NEDD9: variants seen among roughly 807,000 people sequenced by gnomAD.
NEDD9 encodes the protein enhancer of filamentation 1.
A neutral mutation model predicts 76.6 loss-of-function variants in NEDD9; 26 were observed. That is an observed-to-expected ratio of 0.34 (90% CI 0.25 to 0.47). The LOEUF (loss-of-function observed/expected upper bound fraction) is 0.47, where lower values mean the gene tolerates loss of function less well. Ranked by LOEUF, NEDD9 falls within the 20% of genes least tolerant of loss-of-function variation. The pLI is 1.00. For synonymous variants in NEDD9, 392 were observed against 414.2 expected, an observed-to-expected ratio of 0.95 and a Z score of 0.65; for missense variants, 937 against 1,058.5, an observed-to-expected ratio of 0.89 and a Z score of 1.59.
In NEDD9 at chr6:11,245,178, C is replaced by G. The variant is rs1428787839; in HGVS notation, c.13-31451G>C. On this transcript the variant is annotated intron_variant, in intron 3 of 3. Transcript: ENST00000397378. ...TGTGTGGGAGGAGAGGGAGACATGACCAAAAGGAGCATTTTCTGTGGCTGC... is the reference window on the plus strand; with the variant it reads ...TGTGTGGGAGGAGAGGGAGACATGAGCAAAAGGAGCATTTTCTGTGGCTGC... 2.0e-5 allele frequency among the ~76,000 whole-genome samples: 3 copies of G among 152,052 alleles called. No individual in the cohort carries two copies. The East Asian group carries it at 5.8e-4, about 29-fold the overall frequency.
intron 3 of NEDD9, among the ~76,000 whole-genome samples, chr6:11,263,640 C>T (rs979707328): frequency 6.6e-6 from 1 of 152,140 alleles, no homozygotes. Context: ...ACATTCCTGG[C>T]CTTTGACATC....
chr6:11,186,959 T>C (rs1757996152), intron 6 of NEDD9, among the ~76,000 whole-genome samples: 1 of 152,206 alleles, frequency 6.6e-6, no homozygotes, highest in South Asian at 2.1e-4. Flanking sequence ...TTCTTAGCGA[T>C]TGCTATGGTT....
intron 1 of NEDD9, among the ~76,000 whole-genome samples, chr6:11,218,693 A>T (rs894007494): frequency 2.0e-5 from 3 of 152,200 alleles, no homozygotes; most frequent in Non-Finnish European, 4.4e-5. Context: ...AAATTGTTGT[A>T]CTTAGAGAAT....
intron 5 of NEDD9, 144 bp downstream of exon 5, chr6:11,189,820 A>G (rs1758084017): frequency 1.9e-6 from 2 of 1,057,482 alleles, no homozygotes; most frequent in South Asian, 3.8e-5. Context: ...ACTCTACGAC[A>G]CTCCCTCCAA....
intron 1 of NEDD9, among the ~76,000 whole-genome samples, chr6:11,356,754 G>A (rs1226941844): frequency 2.5e-5 from 3 of 121,316 alleles, no homozygotes; most frequent in Non-Finnish European, 4.9e-5. Context: ...CCCTCCCCCT[G>A]GTATAGCACT....
At chr6:11,339,038 A>G (rs1246419153) in intron 1 of NEDD9, among the ~76,000 whole-genome samples, 1 of 152,046 alleles carries the variant, frequency 6.6e-6, no homozygotes, top group Non-Finnish European at 1.5e-5. Context: ...AAATAAATTC[A>G]AAAGATATAG....
intron 1 of NEDD9, among the ~76,000 whole-genome samples, chr6:11,361,554 C>T (rs529286812): frequency 2.3e-4 from 35 of 152,108 alleles, no homozygotes; most frequent in Admixed American, 3.9e-4. Context: ...ATGAGGGATG[C>T]ACCACCATGA....
At chr6:11,235,717 G>A (rs1320708419), upstream of NEDD9, among the ~76,000 whole-genome samples, 1 of 152,188 alleles carries the variant, frequency 6.6e-6, no homozygotes, top group Non-Finnish European at 1.5e-5. The surrounding 1 kb of genome is among the most constrained non-coding windows in gnomAD (Gnocchi z 4.1). Flanking sequence ...AGATCTAGGG[G>A]ATGAGCATTC....
At chr6:11,363,699 C>A (rs1403591600) in intron 1 of NEDD9, among the ~76,000 whole-genome samples, 1 of 152,168 alleles carries the variant, frequency 6.6e-6, no homozygotes, top group African/African-American at 2.4e-5. Flanking sequence ...AAGGATGCTA[C>A]TTTGCTCATG....
At chr6:11,200,518 T>C in intron 2 of NEDD9, 1 of 1,084,484 alleles carries the variant, frequency 9.2e-7, no homozygotes, top group Non-Finnish European at 1.1e-6. Flanking sequence ...TCTTGCTTTC[T>C]AATGTGATAA....
In NEDD9 at chr6:11,315,803, T is replaced by C. The variant is rs189841678; in HGVS notation, c.-152-9648A>G. Among the ~76,000 whole-genome samples, 9 of 152,342 alleles carry C rather than the reference T, an allele frequency of 5.9e-5. No homozygotes were observed. In the East Asian group the frequency reaches 1.7e-3, roughly 29 times the overall value. ...ATGAAAAGAGCTATTAGTTCATCTG[T>C]TAGGGCATCCAAATATGCACCCAGA... On this transcript the variant is annotated intron_variant, in intron 2 of 3. Transcript: ENST00000397378.
At chr6:11,337,765 A>G (rs1762193026) in intron 1 of NEDD9, among the ~76,000 whole-genome samples, 1 of 152,168 alleles carries the variant, frequency 6.6e-6, no homozygotes, top group Non-Finnish European at 1.5e-5. Context: ...ATGGGGAGGG[A>G]AGAGCAGGGG....
chr6:11,230,334 C>G (rs924268473), intron 1 of NEDD9, among the ~76,000 whole-genome samples: 4 of 152,188 alleles, frequency 2.6e-5, no homozygotes, highest in Non-Finnish European at 5.9e-5. Context: ...GGAGCCAGAT[C>G]GCCTTAGTTC....
chr6:11,262,777 G>A (rs1760138675), intron 3 of NEDD9, among the ~76,000 whole-genome samples: 1 of 152,194 alleles, frequency 6.6e-6, no homozygotes. Flanking sequence ...ATGGGTATGT[G>A]GATGAACAGA....
chr6:11,243,364 AAT>A (rs1759745405), intron 3 of NEDD9, among the ~76,000 whole-genome samples: 1 of 152,182 alleles, frequency 6.6e-6, no homozygotes, highest in Non-Finnish European at 1.5e-5. Flanking sequence ...ATGATAATTG[AAT>A]TCAGCTGATA....
intron 2 of NEDD9, among the ~76,000 whole-genome samples, chr6:11,311,178 C>T (rs1561828203): frequency 6.6e-6 from 1 of 152,100 alleles, no homozygotes; most frequent in Admixed American, 6.6e-5. Context: ...ATTGTGTACC[C>T]CCAAATTCAT....
Position 11,213,699 on chromosome 6 carries a change from T to C in NEDD9, c.41A>G (p.Asn14Ser). Residue 14 changes from asparagine (N) to serine (S), a missense_variant, in exon 2 of 7, where the codon AAT becomes AGT. By Grantham distance (46) the Asn-to-Ser change is conservative. Coordinates refer to ENST00000379446, the MANE Select transcript of NEDD9 (RefSeq NM_006403.4). This position sits in a 1 kb window ranked among gnomAD's most constrained non-coding sequence, Gnocchi z 5.4. Reference protein sequence around the residue: ...KNLMARALYDNVPECAEELAF... With the variant: ...KNLMARALYDSVPECAEELAF... The stretch of plus-strand genomic sequence containing the variant: ...CAGTTCCTCGGCACACTCTGGGACA[T>C]TGTCATATAAGGCCCTTGCCATAAG... 6.2e-7 allele frequency: 1 copy of C among 1,614,120 alleles called. No homozygotes were observed. The highest frequency in any genetic ancestry group is 8.5e-7 in the Non-Finnish European group (1 of 1,180,020).
chr6:11,196,810 A>G (rs1464094577), intron 2 of NEDD9, among the ~76,000 whole-genome samples: 1 of 152,072 alleles, frequency 6.6e-6, no homozygotes, highest in Non-Finnish European at 1.5e-5. Context: ...TTTAAATGCC[A>G]AGTCCAGTGC....
At chr6:11,369,530 G>A (rs1029117596) in intron 1 of NEDD9, among the ~76,000 whole-genome samples, 7 of 152,158 alleles carry the variant, frequency 4.6e-5, no homozygotes, top group Admixed American at 4.6e-4. Flanking sequence ...CACACACAGA[G>A]TTTTTAAAAT....
Sources: gnomAD v4.1 joint callset for allele counts (sites outside exome capture counted in the v4.1 genomes callset) on GRCh38, gnomAD v4.1.1 for gene constraint, Gnocchi (gnomAD v3.1) non-coding constraint, MANE v1.5 for transcripts, NCBI Gene and HGNC (gene_info 2026-07-23, HGNC 2026-07-21) for gene names.